The following TRDN variants were observed in gnomAD, a reference collection of about 807,000 sequenced individuals.
TRDN encodes the protein triadin, also known as triadin in skeletal muscle.
TRDN carries 161 observed loss-of-function variants against 149.7 expected under a neutral mutation model. The ratio of observed to expected loss-of-function variants is 1.08; its 90% confidence interval spans 0.95 to 1.23. TRDN has a LOEUF of 1.23. Ranked by LOEUF, TRDN falls within the 50% of genes most tolerant of loss-of-function variation. TRDN has a pLI of 0.00. For synonymous variants in TRDN, 294 were observed against 250.5 expected, an observed-to-expected ratio of 1.17 and a Z score of -1.64; for missense variants, 896 against 823.5, an observed-to-expected ratio of 1.09 and a Z score of -1.08.
chr6:123,231,638 G>A (rs888625787), intron 38 of TRDN, among the ~76,000 whole-genome samples: 2 of 151,972 alleles, frequency 1.3e-5, no homozygotes, highest in African/African-American at 4.8e-5. Context: ...TTACAATGAA[G>A]AAATAGTCAG....
chr6:123,378,959 A>G (rs956517315), intron 16 of TRDN, among the ~76,000 whole-genome samples: 5 of 152,218 alleles, frequency 3.3e-5, no homozygotes, highest in African/African-American at 1.2e-4. Context: ...AATTGCAAGC[A>G]CTAATTTTAC....
chr6:123,441,676 T>C (rs1479451132), intron 10 of TRDN, among the ~76,000 whole-genome samples: 1 of 152,214 alleles, frequency 6.6e-6, no homozygotes, highest in Non-Finnish European at 1.5e-5. Context: ...CACAATGGGC[T>C]TTTCTCTTGC....
intron 1 of TRDN, among the ~76,000 whole-genome samples, chr6:123,606,676 C>G (rs1474692729): frequency 6.6e-6 from 1 of 152,006 alleles, no homozygotes. Context: ...TTTAATAACC[C>G]ATTTTTAATC....
chr6:123,354,274 C>T (rs1780575935), intron 20 of TRDN, among the ~76,000 whole-genome samples: 2 of 151,822 alleles, frequency 1.3e-5, no homozygotes, highest in African/African-American at 2.4e-5. Flanking sequence ...CATTATTTTA[C>T]CTTGAGCCTT....
At chr6:123,614,493 A>T (rs9401691) in intron 1 of TRDN, among the ~76,000 whole-genome samples, 37,219 of 151,222 alleles carry the variant, frequency 0.25, 4,758 homozygotes, top group East Asian at 0.43. Context: ...ATTTTAGAAA[A>T]TTATTTTTAA....
intron 1 of TRDN, among the ~76,000 whole-genome samples, chr6:123,575,988 A>T (rs1283786502): frequency 2.6e-5 from 4 of 152,134 alleles, no homozygotes; most frequent in Non-Finnish European, 4.4e-5. Flanking sequence ...ATTAATTATG[A>T]TTTTGCATTT....
intron 4 of TRDN, among the ~76,000 whole-genome samples, chr6:123,537,090 G>A: frequency 6.6e-6 from 1 of 151,960 alleles, no homozygotes; most frequent in Middle Eastern, 3.4e-3. Flanking sequence ...TAAACTATAA[G>A]TAAGTATATT....
Position 123,430,506 on chromosome 6 carries a change from C to T in TRDN, c.1051+7557G>A, listed in dbSNP as rs201701091. On this transcript the variant is annotated intron_variant, in intron 12 of 40. Transcript: ENST00000334268. ...CCGAGGCAGGAGAACTGCATGAACA[C>T]GGGAGGCGGAGGTTGCAGTAAGCCG... Among the ~76,000 whole-genome samples, 7 of 151,908 alleles carry T rather than the reference C, an allele frequency of 4.6e-5. No individual in the cohort carries two copies. The East Asian group carries it at 7.8e-4, about 17-fold the overall frequency.
At chr6:123,472,527 G>C (rs951231490) in intron 9 of TRDN, among the ~76,000 whole-genome samples, 2 of 152,214 alleles carry the variant, frequency 1.3e-5, no homozygotes, top group African/African-American at 4.8e-5. Context: ...CATTGCCCAG[G>C]CTTTCTTAGG....
chr6:123,276,956 T>C (rs960793758), intron 26 of TRDN, among the ~76,000 whole-genome samples: 2 of 152,094 alleles, frequency 1.3e-5, no homozygotes, highest in African/African-American at 4.8e-5. Flanking sequence ...GTTCCACCAG[T>C]CCCAGAGTAC....
At chr6:123,559,264 A>G (rs1178157151) in intron 2 of TRDN, among the ~76,000 whole-genome samples, 1 of 151,928 alleles carries the variant, frequency 6.6e-6, no homozygotes, top group Non-Finnish European at 1.5e-5. Flanking sequence ...TGCCTCCATA[A>G]CTGTTGTGGG....
At position 123,497,195 on chromosome 6, in the gene TRDN, G is replaced by C. The variant is rs755534468; in HGVS notation, c.851C>G (p.Pro284Arg). ...IDIFVHGDLK[P>R]GQSPAIPPPL... is the part of the protein sequence containing the mutation. ...AGTACAAGAATTGCTTGGAATACCTGGTTTTAAATCCCCATGGACAAATAT... is the reference window on the plus strand; with the variant it reads ...AGTACAAGAATTGCTTGGAATACCTCGTTTTAAATCCCCATGGACAAATAT... The change falls in exon 9 of 41, where the codon CCA (proline) becomes CGA (arginine). Residue 284 changes from proline (P) to arginine (R), a missense_variant and splice_region_variant. By Grantham distance (103) the Pro-to-Arg change is moderately radical. Coordinates refer to ENST00000334268, the MANE Select transcript of TRDN (RefSeq NM_006073.4). The C allele has an allele frequency of 9.7e-6, 15 of 1,548,222 alleles. No individual in the cohort carries two copies. Among genetic ancestry groups the C allele is most frequent in the Non-Finnish European group, 1.2e-5 (14 of 1,148,108 alleles).
At chr6:123,487,161 A>G (rs2114785610) in intron 9 of TRDN, among the ~76,000 whole-genome samples, 1 of 152,176 alleles carries the variant, frequency 6.6e-6, no homozygotes, top group East Asian at 1.9e-4. Flanking sequence ...TACAAAAAAA[A>G]AGGACTCAGC....
At chr6:123,244,983 T>A (rs184498710) in intron 38 of TRDN, among the ~76,000 whole-genome samples, 26 of 152,248 alleles carry the variant, frequency 1.7e-4, no homozygotes, top group Admixed American at 5.2e-4. Flanking sequence ...GAATTGCATA[T>A]CCAACCAAAC....
chr6:123,351,699 G>A (rs1484904038), intron 21 of TRDN: 1 of 936,464 alleles, frequency 1.1e-6, no homozygotes, highest in Non-Finnish European at 1.3e-6. Flanking sequence ...TCTGATATTA[G>A]GATTTCATAC....
chr6:123,468,129 A>G (rs1562330081), intron 9 of TRDN, among the ~76,000 whole-genome samples: 2 of 152,216 alleles, frequency 1.3e-5, no homozygotes, highest in African/African-American at 4.8e-5. Flanking sequence ...TTTGAAGCTG[A>G]CTTTTGAAGA....
At chr6:123,579,323 C>T (rs1783006931) in intron 1 of TRDN, among the ~76,000 whole-genome samples, 1 of 152,048 alleles carries the variant, frequency 6.6e-6, no homozygotes, top group African/African-American at 2.4e-5. Flanking sequence ...CCTTCAATAC[C>T]TAGTTTATTG....
chr6:123,390,377 T>C (rs1182234907), intron 13 of TRDN, among the ~76,000 whole-genome samples: 1 of 152,338 alleles, frequency 6.6e-6, no homozygotes, highest in South Asian at 2.1e-4. Context: ...TCTGTACATA[T>C]GCATATAGAG....
At chr6:123,579,930 C>T (rs1412065827) in intron 1 of TRDN, among the ~76,000 whole-genome samples, 1 of 152,194 alleles carries the variant, frequency 6.6e-6, no homozygotes, top group East Asian at 1.9e-4. Flanking sequence ...TTCCTTTCAC[C>T]TTCCACCATG....
Sources: gnomAD v4.1 joint callset for allele counts (sites outside exome capture counted in the v4.1 genomes callset) on GRCh38, gnomAD v4.1.1 for gene constraint, MANE v1.5 for transcripts, NCBI Gene and HGNC (gene_info 2026-07-23, HGNC 2026-07-21) for gene names.